SLC22A17: variants seen among roughly 807,000 people sequenced by gnomAD.
The protein encoded by SLC22A17 is 24p3 receptor.
SLC22A17 carries 38 observed loss-of-function variants against 53.6 expected under a neutral mutation model. The observed-to-expected ratio is 0.71, with a 90% CI of 0.55 to 0.93. The LOEUF (loss-of-function observed/expected upper bound fraction) is 0.93. Ranked by LOEUF, SLC22A17 falls within the 40% of genes least tolerant of loss-of-function variation. The pLI is 0.00. For missense variants in SLC22A17, 704 were observed against 791.0 expected, an observed-to-expected ratio of 0.89 and a Z score of 1.32; for synonymous variants, 379 against 353.0, an observed-to-expected ratio of 1.07 and a Z score of -0.82.
chr14:23,346,846 G>C (rs1595003662), exon 10 of SLC22A17: 1 of 1,539,868 alleles, frequency 6.5e-7, no homozygotes, highest in Non-Finnish European at 8.7e-7. Flanking sequence ...CGTGCTGCAG[G>C]AAGGCTCCAT....
Position 23,351,932 on chromosome 14 carries a change from C to A in SLC22A17, c.600+16G>T. 1 of 1,611,542 alleles carries A rather than the reference C, an allele frequency of 6.2e-7. No individual in the cohort carries two copies. The highest frequency in any genetic ancestry group is 8.5e-7 in the Non-Finnish European group (1 of 1,178,714). The stretch of plus-strand genomic sequence containing the variant: ...TCTGCCCGCCCCCAGACCCGCGGCC[C>A]GCCTGGCCGCCTCACCTGGCCGATG... On this transcript the variant is annotated intron_variant, in intron 2 of 9. Transcript: ENST00000397267.
rs769831305 is a variant in SLC22A17 at position 23,349,266 on chromosome 14, A to G, written c.859+6T>C. 1.2e-6 allele frequency: 2 copies of G among 1,613,994 alleles called. No individual in the cohort carries two copies. Among genetic ancestry groups the G allele is most frequent in the South Asian group, 2.2e-5 (2 of 91,080 alleles). On this transcript the variant is annotated splice_donor_region_variant and intron_variant, in intron 4 of 9. Coordinates refer to ENST00000397267, the Ensembl canonical transcript of SLC22A17. ...AGGGAGGGAATTCTGGGAGGGTGCC[A>G]CTTACGCATCAGGTAGACACCCAGG...
rs745718216 is a variant in SLC22A17, at chr14:23,346,695, G to T, written c.1903C>A (p.Arg635Ser). ...GCAAGCAGCGGGACGTGGTCACAGC[G>T]GGTAGGGGGTGGCTGCCGCAGCAGG... The change falls in exon 10 of 10, where the codon CGC becomes AGC. Residue 635 changes from arginine to serine, a missense_variant. Coordinates refer to ENST00000397267, the Ensembl canonical transcript of SLC22A17. The T allele has an allele frequency of 2.6e-6, 4 of 1,538,212 alleles. No homozygotes were observed. The African/African-American group carries it at 4.0e-5, about 16-fold the overall frequency.
chr14:23,346,524 GC>G, exon 10 of SLC22A17: 1 of 1,255,278 alleles, frequency 8.0e-7, no homozygotes, highest in South Asian at 1.6e-5. Context: ...TGAGCTCTCC[GC>G]GATGGCTGGC....
intron 3 of SLC22A17, 168 bp downstream of exon 3, chr14:23,351,584 C>A (rs1036240593): frequency 3.5e-5 from 21 of 603,542 alleles, no homozygotes; most frequent in African/African-American, 3.2e-4. Context: ...AGGGGTATTT[C>A]TTGATGGAGA....
At position 23,351,092 on chromosome 14, in the gene SLC22A17, T is replaced by C. The variant is rs574077603; in HGVS notation, c.704+660A>G. The C allele has an allele frequency of 5.3e-4, 80 of 152,326 alleles. 1 individual carries two copies. The highest frequency in any genetic ancestry group is 1.8e-3 in the African/African-American group (73 of 41,556). The allele number at this position is 152,326 out of a possible 1,614,324, so 9.4% of individuals were successfully genotyped here. A position where few individuals can be genotyped will look rare whatever the true frequency, so the allele number is the denominator to read the frequency against. On this transcript the variant is annotated intron_variant, in intron 3 of 9. Transcript: ENST00000397267. Reference sequence around the variant, plus strand: ...GTTATTGGTTGCTGGGATTGGGTTGTTGATCTCTAGAGGTGAAGCTACCGA... The same window carrying C: ...GTTATTGGTTGCTGGGATTGGGTTGCTGATCTCTAGAGGTGAAGCTACCGA...
Position 23,348,068 on chromosome 14 carries a change from G to T in SLC22A17, c.1172-72C>A. 6.2e-7 allele frequency: 1 copy of T among 1,609,378 alleles called. No individual in the cohort carries two copies. Among genetic ancestry groups the T allele is most frequent in the East Asian group, 2.2e-5 (1 of 44,844 alleles). ...AGGATCCTCCCACATGGGTGGTGGGGACCCTGGGAGAAGGTGGCACAGCTA... is the reference window on the plus strand; with the variant it reads ...AGGATCCTCCCACATGGGTGGTGGGTACCCTGGGAGAAGGTGGCACAGCTA... On this transcript the variant is annotated intron_variant, in intron 6 of 9. Transcript: ENST00000397267. The surrounding 1 kb of genome is among the most constrained non-coding windows in gnomAD (Gnocchi z 4.5).
At chr14:23,349,971 C>G (rs1889520598) in intron 3 of SLC22A17, among the ~76,000 whole-genome samples, 1 of 152,060 alleles carries the variant, frequency 6.6e-6, no homozygotes, top group South Asian at 2.1e-4. Context: ...GGAGATGAGG[C>G]CATTGTTCCA....
chr14:23,347,121 C>T lies in SLC22A17; in HGVS notation c.1641G>A (p.Glu547=), dbSNP rs753794104. The stretch of plus-strand genomic sequence containing the variant: ...CTCACCGGACAGTGGTGGGGATGAC[C>T]TCAGCAGCAAGGAGGGTGCTGAGGA... Residue 547 remains glutamate (E), a synonymous_variant, in exon 9 of 10, where the codon GAG becomes GAA. Transcript: ENST00000397267. This position sits in a 1 kb window ranked among gnomAD's most constrained non-coding sequence, Gnocchi z 5.1. 2.4e-5 allele frequency: 39 copies of T among 1,613,522 alleles called. No individual in the cohort carries two copies. In the South Asian group the frequency reaches 4.0e-4, roughly 16 times the overall value.
At chr14:23,346,547 C>T in exon 10 of SLC22A17, 2 of 1,381,188 alleles carry the variant, frequency 1.4e-6, no homozygotes, top group Non-Finnish European at 1.9e-6. Context: ...TGAGGTGCCT[C>T]TGAGACTTCT....
At position 23,352,382 on chromosome 14, in the gene SLC22A17, C is replaced by A; in HGVS notation, c.166G>T (p.Gly56Trp). ...CCGTCGCCGCCCGCGTCTCCCTCCC[C>A]CTCCCGCTCGCGCTCCCGCTCACCC... The change falls in exon 2 of 10, where the codon GGG becomes TGG. Residue 56 changes from glycine to tryptophan, a missense_variant. Physicochemically the swap from Gly to Trp is radical, Grantham distance 184. Around this residue, in one of 4 missense-constraint regions of SLC22A17, gnomAD observed 42 missense variants for 28.2 expected, o/e 1.49. Transcript: ENST00000397267. This position sits in a 1 kb window ranked among gnomAD's most constrained non-coding sequence, Gnocchi z 7.2. 1.4e-6 allele frequency: 1 copy of A among 702,334 alleles called. No homozygotes were observed. The highest frequency in any genetic ancestry group is 2.1e-6 in the Non-Finnish European group (1 of 470,902). 43.5% of individuals were successfully genotyped at this position (702,334 alleles called of 1,614,324 possible).
chr14:23,351,515 G>C, intron 3 of SLC22A17: 1 of 477,294 alleles, frequency 2.1e-6, no homozygotes, highest in Non-Finnish European at 3.7e-6. Flanking sequence ...CTAATTAGTG[G>C]GAATGGGACT....
At position 23,348,238 on chromosome 14, in the gene SLC22A17, G is replaced by A. The variant is rs764368253; in HGVS notation, c.1094C>T (p.Ser365Phe). Reference sequence around the variant, plus strand: ...TCGCTCAGCCAGGATCCTCAGCACAGACTGAGCCTCCTCAATCTGCCGCTT... The same window carrying A: ...TCGCTCAGCCAGGATCCTCAGCACAAACTGAGCCTCCTCAATCTGCCGCTT... Residue 365 changes from serine (S) to phenylalanine (F), a missense_variant, in exon 6 of 10, where the codon TCT becomes TTT. Transcript: ENST00000397267. The surrounding 1 kb of genome is among the most constrained non-coding windows in gnomAD (Gnocchi z 4.5). The A allele has an allele frequency of 6.2e-7, 1 of 1,614,152 alleles. No individual in the cohort carries two copies. The highest frequency in any genetic ancestry group is 8.5e-7 in the Non-Finnish European group (1 of 1,180,010).
Position 23,352,105 on chromosome 14 carries a change from C to T in SLC22A17, c.443G>A (p.Ser148Asn). ...GGCTGCTAGGGCAGCGCTGGCGACG[C>T]TGACGCCGCTGGCATTGGGAGGCTG... is the stretch of plus-strand genomic sequence containing the variant. Residue 148 changes from serine to asparagine, a missense_variant, in exon 2 of 10, where the codon AGC (serine) becomes AAC (asparagine). Ser to Asn is a conservative substitution (Grantham distance 46). This residue lies in a region of SLC22A17 where 435 missense variants were observed against 529.0 expected (regional missense o/e 0.82). Coordinates refer to ENST00000397267, the Ensembl canonical transcript of SLC22A17. This position sits in a 1 kb window ranked among gnomAD's most constrained non-coding sequence, Gnocchi z 7.2. 1 of 1,583,178 alleles carries T rather than the reference C, an allele frequency of 6.3e-7. No homozygotes were observed. Among genetic ancestry groups the T allele is most frequent in the Non-Finnish European group, 8.6e-7 (1 of 1,166,026 alleles).
rs1012206943 is a variant in SLC22A17 at position 23,347,292 on chromosome 14, C to G, written c.1550-80G>C. On this transcript the variant is annotated intron_variant, in intron 8 of 9. Coordinates refer to ENST00000397267, the Ensembl canonical transcript of SLC22A17. This position sits in a 1 kb window ranked among gnomAD's most constrained non-coding sequence, Gnocchi z 5.1. Reference sequence around the variant, plus strand: ...AGTCCCGGGTGTCATCCCCTTGGCTCTCTGTTCCCATGGCTCTAGCTGGGC... The same window carrying G: ...AGTCCCGGGTGTCATCCCCTTGGCTGTCTGTTCCCATGGCTCTAGCTGGGC... The G allele has an allele frequency of 6.7e-7, 1 of 1,487,586 alleles. No individual in the cohort carries two copies. The highest frequency in any genetic ancestry group is 1.4e-5 in the African/African-American group (1 of 72,374). 92.1% of individuals were successfully genotyped at this position (1,487,586 alleles called of 1,614,324 possible).
rs774888933 is a variant in SLC22A17 at position 23,351,941 on chromosome 14, G to A, written c.600+7C>T. ...CCCCAGACCCGCGGCCCGCCTGGCC[G>A]CCTCACCTGGCCGATGGCGTTGGTG... On this transcript the variant is annotated splice_region_variant and intron_variant, in intron 2 of 9. Coordinates refer to ENST00000397267, the Ensembl canonical transcript of SLC22A17. The A allele has an allele frequency of 6.2e-7, 1 of 1,611,696 alleles. No homozygotes were observed. Among genetic ancestry groups the A allele is most frequent in the Non-Finnish European group, 8.5e-7 (1 of 1,178,820 alleles).
chr14:23,346,600 C>T (rs937853663), exon 10 of SLC22A17: 9 of 1,435,874 alleles, frequency 6.3e-6, no homozygotes, highest in Non-Finnish European at 8.2e-6. Context: ...GATCTTCTTG[C>T]CACCTTTCTG....
chr14:23,352,691 G>A lies in SLC22A17; in HGVS notation c.51C>T (p.Gly17=), dbSNP rs915263023. Residue 17 remains glycine (G), a synonymous_variant, in exon 1 of 10, where the codon GGC becomes GGT. Transcript: ENST00000397267. This position sits in a 1 kb window ranked among gnomAD's most constrained non-coding sequence, Gnocchi z 7.2. ...TCTCTACAGTGTTGTCGATTTTGCCGCCGCCCCCGCCATTGGGCTCGGGGG... is the reference window on the plus strand; with the variant it reads ...TCTCTACAGTGTTGTCGATTTTGCCACCGCCCCCGCCATTGGGCTCGGGGG... 5.0e-6 allele frequency: 2 copies of A among 398,572 alleles called. No individual in the cohort carries two copies. Among genetic ancestry groups the A allele is most frequent in the African/African-American group, 2.1e-5 (1 of 48,606 alleles). 24.7% of individuals were successfully genotyped at this position (398,572 alleles called of 1,614,324 possible).
chr14:23,352,865 G>A lies in SLC22A17; in HGVS notation c.-124C>T, dbSNP rs1320008007. 8 of 397,486 alleles carry A rather than the reference G, an allele frequency of 2.0e-5. No homozygotes were observed. Among genetic ancestry groups the A allele is most frequent in the Non-Finnish European group, 2.7e-5 (6 of 225,432 alleles). 24.6% of individuals were successfully genotyped at this position (397,486 alleles called of 1,614,324 possible). On this transcript the variant is annotated 5_prime_UTR_variant, in exon 1 of 10. Transcript: ENST00000397267. The surrounding 1 kb of genome is among the most constrained non-coding windows in gnomAD (Gnocchi z 7.2). ...GATCCCGCTCTGCAGCTCTGCAGCC[G>A]CGGGCGCCTCCTTGGTCTCTGCGAT...
Sources: allele counts gnomAD v4.1 joint callset (sites outside exome capture counted in the v4.1 genomes callset), GRCh38; gene constraint gnomAD v4.1.1; regional missense constraint gnomAD v4.1.1; non-coding constraint Gnocchi (gnomAD v3.1); transcripts MANE v1.5; gene names NCBI Gene and HGNC (gene_info 2026-07-23, HGNC 2026-07-21).